The following CSMD2 variants were observed in gnomAD, a reference collection of about 807,000 sequenced individuals.
CSMD2 encodes the protein CUB and sushi domain-containing protein 2.
CSMD2 carries 130 observed loss-of-function variants against 398.5 expected under a neutral mutation model. The observed-to-expected ratio is 0.33, with a 90% CI of 0.28 to 0.38. CSMD2 has a LOEUF of 0.38. Ranked by LOEUF, CSMD2 falls within the 10% of genes least tolerant of loss-of-function variation. The probability of loss-of-function intolerance (pLI) is 1.00; values close to 1 mark genes in which losing one functional copy is unlikely to be tolerated. For synonymous variants in CSMD2, 1,828 were observed against 1,908.5 expected, an observed-to-expected ratio of 0.96 and a Z score of 1.10; for missense variants, 3,829 against 4,764.9, an observed-to-expected ratio of 0.80 and a Z score of 5.78.
chr1:33,911,317 A>G (rs922695093), intron 5 of CSMD2, among the ~76,000 whole-genome samples: 19 of 152,266 alleles, frequency 1.2e-4, no homozygotes, highest in African/African-American at 4.3e-4. Flanking sequence ...ACAAATCTCC[A>G]TTGGCGTGCA....
At chr1:33,766,768 C>G (rs1211922032) in intron 13 of CSMD2, among the ~76,000 whole-genome samples, 3 of 152,118 alleles carry the variant, frequency 2.0e-5, no homozygotes, top group African/African-American at 7.2e-5. Context: ...TATATGTGAC[C>G]TAAACGAGAA....
intron 1 of CSMD2, among the ~76,000 whole-genome samples, chr1:34,157,210 G>C (rs1271873142): frequency 6.6e-6 from 1 of 152,124 alleles, no homozygotes; most frequent in Non-Finnish European, 1.5e-5. Flanking sequence ...GGCTAATGGA[G>C]ACTTTATGTC....
intron 55 of CSMD2, among the ~76,000 whole-genome samples, chr1:33,551,502 G>A (rs990796266): frequency 3.3e-5 from 5 of 152,206 alleles, no homozygotes; most frequent in African/African-American, 4.8e-5. Flanking sequence ...AGCCCACAGG[G>A]CATAGCATAC....
intron 25 of CSMD2, among the ~76,000 whole-genome samples, chr1:33,687,929 T>C (rs1645109488): frequency 6.6e-6 from 1 of 152,232 alleles, no homozygotes; most frequent in African/African-American, 2.4e-5. Flanking sequence ...TTAAATATCC[T>C]ATTGTCCATC....
At chr1:33,749,175 G>A (rs1436503323) in intron 13 of CSMD2, among the ~76,000 whole-genome samples, 3 of 133,310 alleles carry the variant, frequency 2.3e-5, no homozygotes, top group Non-Finnish European at 4.5e-5. Context: ...TCGGCTCACT[G>A]CAGGCTCCAC....
At chr1:34,083,939 CAATA>C (rs1201527656) in intron 2 of CSMD2, among the ~76,000 whole-genome samples, 4 of 151,490 alleles carry the variant, frequency 2.6e-5, no homozygotes, top group African/African-American at 7.3e-5. Context: ...ATTAAAGACT[CAATA>C]AATATTAGCT....
At chr1:34,078,504 AC>A (rs1291837601) in intron 2 of CSMD2, among the ~76,000 whole-genome samples, 1 of 152,174 alleles carries the variant, frequency 6.6e-6, no homozygotes, top group Non-Finnish European at 1.5e-5. Flanking sequence ...AAGGACGTAA[AC>A]AATGTTTCCG....
intron 48 of CSMD2, among the ~76,000 whole-genome samples, chr1:33,579,074 A>G (rs1014768985): frequency 3.9e-5 from 6 of 152,196 alleles, no homozygotes; most frequent in African/African-American, 1.4e-4. Context: ...CCATGTAATT[A>G]ACTCACTTTC....
At position 33,829,865 on chromosome 1, in the gene CSMD2, C is replaced by A. The variant is rs141987495; in HGVS notation, c.1034-4091G>T. On this transcript the variant is annotated intron_variant, in intron 6 of 70. Transcript: ENST00000373381. ...CACACCAGGAGATTATATTCCGCAC[C>A]TAGCTCGGAGGGTCCTACGCCCACG... Among the ~76,000 whole-genome samples, 973 of 152,238 alleles carry A rather than the reference C, an allele frequency of 6.4e-3. 4 individuals are homozygous for A. Among genetic ancestry groups the A allele is most frequent in the African/African-American group, 0.022 (895 of 41,530 alleles).
chr1:33,634,685 T>G (rs1313441403), intron 31 of CSMD2, among the ~76,000 whole-genome samples: 1 of 152,198 alleles, frequency 6.6e-6, no homozygotes, highest in African/African-American at 2.4e-5. Context: ...AGTTTCTCTG[T>G]CTTCCCAGGG....
At chr1:33,761,643 G>A (rs1649828311) in intron 13 of CSMD2, among the ~76,000 whole-genome samples, 1 of 152,172 alleles carries the variant, frequency 6.6e-6, no homozygotes, top group Non-Finnish European at 1.5e-5. Context: ...TTGAGCCCCT[G>A]AGCTCTGTTA....
At chr1:33,774,965 A>G (rs1341790752) in intron 12 of CSMD2, among the ~76,000 whole-genome samples, 1 of 152,164 alleles carries the variant, frequency 6.6e-6, no homozygotes, top group African/African-American at 2.4e-5. Flanking sequence ...GCCCTCAAGA[A>G]ATGAACAGAC....
chr1:33,643,472 A>G (rs1643228268), intron 29 of CSMD2, among the ~76,000 whole-genome samples: 1 of 152,230 alleles, frequency 6.6e-6, no homozygotes. Flanking sequence ...AGGAGGTGGG[A>G]TGAAAGTGGG....
chr1:33,849,206 T>G (rs1175388043), intron 5 of CSMD2, among the ~76,000 whole-genome samples: 3 of 152,186 alleles, frequency 2.0e-5, no homozygotes, highest in Non-Finnish European at 4.4e-5. Context: ...GACACAAATG[T>G]TGGGCAGTTG....
intron 26 of CSMD2, among the ~76,000 whole-genome samples, chr1:33,662,081 T>C (rs951407372): frequency 1.3e-5 from 2 of 152,152 alleles, no homozygotes; most frequent in African/African-American, 4.8e-5. Context: ...GATGATGCAT[T>C]CCAGGGAGAG....
At position 33,624,639 on chromosome 1, in the gene CSMD2, C is replaced by T. The variant is rs139820963; in HGVS notation, c.5505G>A (p.Pro1835=). ...WNVSAPTCVV[P]CGGNLTERRG... The stretch of plus-strand genomic sequence containing the variant: ...TGCGCTCTGTGAGGTTGCCTCCACA[C>T]GGCACTGGGAGGAGAGGCCATCGGG... Residue 1835 remains proline, a synonymous_variant, in exon 35 of 71, where the codon CCG becomes CCA. Coordinates refer to ENST00000373381, the MANE Select transcript of CSMD2 (RefSeq NM_001281956.2). This position sits in a 1 kb window ranked among gnomAD's most constrained non-coding sequence, Gnocchi z 4.7. 51 of 1,613,018 alleles carry T rather than the reference C, an allele frequency of 3.2e-5. No individual in the cohort carries two copies. Among genetic ancestry groups the T allele is most frequent in the Non-Finnish European group, 4.2e-5 (49 of 1,179,392 alleles).
rs1200234703 is a variant in CSMD2 at position 33,518,495 on chromosome 1, T to C, written c.*53+970A>G. Reference sequence around the variant, plus strand: ...TCTGTTGTGCTCAATGTGGGGAATTTTGTAAGTAAACCTGCCTAGGCTATG... The same window carrying C: ...TCTGTTGTGCTCAATGTGGGGAATTCTGTAAGTAAACCTGCCTAGGCTATG... On this transcript the variant is annotated intron_variant, in intron 70 of 70. Coordinates refer to ENST00000373381, the MANE Select transcript of CSMD2 (RefSeq NM_001281956.2). The surrounding 1 kb of genome is among the most constrained non-coding windows in gnomAD (Gnocchi z 4.3). Among the ~76,000 whole-genome samples, 3 of 152,162 alleles carry C rather than the reference T, an allele frequency of 2.0e-5. No homozygotes were observed. The highest frequency in any genetic ancestry group is 4.4e-5 in the Non-Finnish European group (3 of 68,028).
chr1:34,087,639 A>G (rs1210565267), intron 2 of CSMD2, among the ~76,000 whole-genome samples: 1 of 148,546 alleles, frequency 6.7e-6, no homozygotes, highest in Non-Finnish European at 1.5e-5. Flanking sequence ...TAATAATAAT[A>G]ATAATAATAA....
intron 3 of CSMD2, among the ~76,000 whole-genome samples, chr1:34,012,417 A>G (rs576370644): frequency 1.3e-5 from 2 of 152,070 alleles, no homozygotes; most frequent in African/African-American, 4.8e-5. Flanking sequence ...ACATGTACAT[A>G]CTACACAATT....
Sources: gnomAD v4.1 joint callset for allele counts (sites outside exome capture counted in the v4.1 genomes callset) on GRCh38, gnomAD v4.1.1 for gene constraint, Gnocchi (gnomAD v3.1) non-coding constraint, MANE v1.5 for transcripts, NCBI Gene and HGNC (gene_info 2026-07-23, HGNC 2026-07-21) for gene names.